CAMTA1: variants seen among roughly 807,000 people sequenced by gnomAD.
CAMTA1 encodes the protein calmodulin binding transcription activator 1, also known as calmodulin-binding transcription activator 1.
CAMTA1 carries 27 observed loss-of-function variants against 170.9 expected under a neutral mutation model. The observed-to-expected ratio is 0.16, with a 90% CI of 0.12 to 0.22. The LOEUF is 0.22. CAMTA1 is among the 10% of genes least tolerant of loss of function. CAMTA1 has a pLI of 1.00. For synonymous variants in CAMTA1, 833 were observed against 891.5 expected, an observed-to-expected ratio of 0.93 and a Z score of 1.17; for missense variants, 1,619 against 2,217.2, an observed-to-expected ratio of 0.73 and a Z score of 5.42.
rs377065082 is a variant in CAMTA1, at chr1:7,710,672, A to T, written c.2915-21776A>T. Among the ~76,000 whole-genome samples, 12 of 151,420 alleles carry T rather than the reference A, an allele frequency of 7.9e-5. No individual in the cohort carries two copies. In the East Asian group the frequency reaches 1.4e-3, roughly 17 times the overall value. On this transcript the variant is annotated intron_variant, in intron 11 of 22. Coordinates refer to ENST00000303635, the MANE Select transcript of CAMTA1 (RefSeq NM_015215.4). The stretch of plus-strand genomic sequence containing the variant: ...CAGAATTAGTGTTATCTTCAGCTAG[A>T]ACTAGCTCTAGATGTACAATGATGT...
intron 6 of CAMTA1, among the ~76,000 whole-genome samples, chr1:7,594,730 G>A (rs1007274528): frequency 7.9e-5 from 12 of 152,240 alleles, no homozygotes; most frequent in African/African-American, 2.9e-4. Context: ...TGGATGTGAA[G>A]TTAAGACGAA....
At chr1:6,842,120 G>C (rs1388493947) in intron 3 of CAMTA1, among the ~76,000 whole-genome samples, 1 of 152,128 alleles carries the variant, frequency 6.6e-6, no homozygotes, top group Non-Finnish European at 1.5e-5. Context: ...CTAAATTGTA[G>C]GCCTGCCTCC....
intron 4 of CAMTA1, among the ~76,000 whole-genome samples, chr1:7,194,024 A>T (rs1043134601): frequency 1.3e-5 from 2 of 152,226 alleles, no homozygotes; most frequent in Non-Finnish European, 2.9e-5. Flanking sequence ...AGATAGACAC[A>T]TGTGAACGGA....
At position 7,409,574 on chromosome 1, in the gene CAMTA1, A is replaced by G. The variant is rs528707686; in HGVS notation, c.439-58256A>G. ...GGGCCATGGCTGGCATTTCGTGACT[A>G]TCACCTGTCCCAGGTTTGACTTCCC... On this transcript the variant is annotated intron_variant, in intron 5 of 22. Coordinates refer to ENST00000303635, the MANE Select transcript of CAMTA1 (RefSeq NM_015215.4). 3.3e-5 allele frequency among the ~76,000 whole-genome samples: 5 copies of G among 152,208 alleles called. No individual in the cohort carries two copies. The East Asian group carries it at 7.8e-4, about 24-fold the overall frequency.
At chr1:7,066,216 C>A (rs1478658990) in intron 3 of CAMTA1, among the ~76,000 whole-genome samples, 1 of 152,232 alleles carries the variant, frequency 6.6e-6, no homozygotes, top group Non-Finnish European at 1.5e-5. Context: ...CTCTTCTTCT[C>A]CCAGGGCAAC....
intron 1 of CAMTA1, among the ~76,000 whole-genome samples, chr1:6,808,366 A>C (rs1413686366): frequency 6.6e-6 from 1 of 152,054 alleles, no homozygotes. Context: ...GATTGTTCCA[A>C]GGTCCCACAG....
At chr1:6,903,809 A>G (rs1477985609) in intron 3 of CAMTA1, among the ~76,000 whole-genome samples, 2 of 152,200 alleles carry the variant, frequency 1.3e-5, no homozygotes, top group Admixed American at 6.5e-5. Flanking sequence ...ATTGAGCTGG[A>G]TGGGTGGGAA....
intron 4 of CAMTA1, among the ~76,000 whole-genome samples, chr1:7,198,605 C>G (rs2148993425): frequency 6.6e-6 from 1 of 152,222 alleles, no homozygotes; most frequent in South Asian, 2.1e-4. Context: ...CTCATACCCC[C>G]TTGGCCACGC....
At chr1:7,596,245 T>C (rs185654127) in intron 6 of CAMTA1, among the ~76,000 whole-genome samples, 148 of 152,336 alleles carry the variant, frequency 9.7e-4, no homozygotes, top group African/African-American at 3.5e-3. Flanking sequence ...GTGACAAAGC[T>C]GGGGCCTGTC....
intron 6 of CAMTA1, among the ~76,000 whole-genome samples, chr1:7,537,222 G>A (rs971597866): frequency 6.6e-6 from 1 of 152,198 alleles, no homozygotes; most frequent in Non-Finnish European, 1.5e-5. Flanking sequence ...TTGAGTGGAT[G>A]GGGCATCAGG....
intron 7 of CAMTA1, among the ~76,000 whole-genome samples, chr1:7,645,989 G>A (rs576426669): frequency 2.0e-5 from 3 of 152,390 alleles, no homozygotes; most frequent in South Asian, 2.1e-4. Context: ...TGTTGAAAGT[G>A]GAGGTGGAGG....
intron 3 of CAMTA1, among the ~76,000 whole-genome samples, chr1:6,882,009 G>C (rs1671776345): frequency 6.6e-6 from 1 of 152,144 alleles, no homozygotes. Context: ...CACTCTGAAT[G>C]TAGTGCAGAG....
intron 3 of CAMTA1, among the ~76,000 whole-genome samples, chr1:6,931,942 T>C (rs1684486700): frequency 2.0e-5 from 3 of 152,238 alleles, no homozygotes; most frequent in African/African-American, 7.2e-5. Context: ...TATTTTTCTT[T>C]CCTGGGCTTA....
intron 5 of CAMTA1, among the ~76,000 whole-genome samples, chr1:7,415,822 T>G (rs1046518470): frequency 2.0e-5 from 3 of 152,234 alleles, no homozygotes; most frequent in African/African-American, 7.2e-5. Flanking sequence ...CTGGTTATTT[T>G]GCTCATTAGT....
In CAMTA1 at chr1:7,680,293, TC is replaced by T. The variant is rs1043729433; in HGVS notation, c.2914+2564del. 2.0e-5 allele frequency: 4 copies of T among 196,182 alleles called. No homozygotes were observed. The highest frequency in any genetic ancestry group is 1.0e-4 in the South Asian group (2 of 19,124). The allele number at this position is 196,182 out of a possible 1,614,324, so 12.2% of individuals were successfully genotyped here. A position where few individuals can be genotyped will look rare whatever the true frequency, so the allele number is the denominator to read the frequency against. On this transcript the variant is annotated intron_variant, in intron 11 of 22. Transcript: ENST00000303635. The surrounding 1 kb of genome is among the most constrained non-coding windows in gnomAD (Gnocchi z 4.4). ...CAGCTTCTCGGCTCAGCCCCTCCCG[TC>T]CCCGCGGGCGCTGGGCCGATTCTCC...
intron 11 of CAMTA1, among the ~76,000 whole-genome samples, chr1:7,723,814 G>A (rs2096664763): frequency 1.3e-5 from 2 of 152,284 alleles, no homozygotes; most frequent in South Asian, 4.1e-4. Flanking sequence ...CTTCAAAACT[G>A]TTAAATTTTT....
intron 6 of CAMTA1, among the ~76,000 whole-genome samples, chr1:7,497,801 G>A (rs566234861): frequency 6.0e-4 from 91 of 152,276 alleles, no homozygotes; most frequent in African/African-American, 2.1e-3. Context: ...GGGGGGCAGC[G>A]CTAGACACCT....
rs2096077853 is a variant in CAMTA1 at position 7,673,386 on chromosome 1, G to A, written c.2779+2349G>A. ...GAGAGCAGTGAGTGAGAGGAGGTGTGTGAAGCACCTGGCCCAGTGCTCCAT... is the reference window on the plus strand; with the variant it reads ...GAGAGCAGTGAGTGAGAGGAGGTGTATGAAGCACCTGGCCCAGTGCTCCAT... On this transcript the variant is annotated intron_variant, in intron 10 of 22. Coordinates refer to ENST00000303635, the MANE Select transcript of CAMTA1 (RefSeq NM_015215.4). This position sits in a 1 kb window ranked among gnomAD's most constrained non-coding sequence, Gnocchi z 4.6. Among the ~76,000 whole-genome samples, 1 of 152,222 alleles carries A rather than the reference G, an allele frequency of 6.6e-6. No homozygotes were observed. The highest frequency in any genetic ancestry group is 1.5e-5 in the Non-Finnish European group (1 of 68,038).
chr1:7,413,003 T>C lies in CAMTA1; in HGVS notation c.439-54827T>C, dbSNP rs375221896. On this transcript the variant is annotated intron_variant, in intron 5 of 22. Coordinates refer to ENST00000303635, the MANE Select transcript of CAMTA1 (RefSeq NM_015215.4). ...AGCCAGTTTTCCCAGCACCATTTAT[T>C]AAATAGGGAATCCTTTCCCCATTGC... is the stretch of plus-strand genomic sequence containing the variant. 1.8e-3 allele frequency among the ~76,000 whole-genome samples: 280 copies of C among 151,742 alleles called. 4 individuals are homozygous for C. In the East Asian group the frequency reaches 0.048, roughly 26 times the overall value.
Sources: gnomAD v4.1 joint callset for allele counts (sites outside exome capture counted in the v4.1 genomes callset) on GRCh38, gnomAD v4.1.1 for gene constraint, Gnocchi (gnomAD v3.1) non-coding constraint, MANE v1.5 for transcripts, NCBI Gene and HGNC (gene_info 2026-07-23, HGNC 2026-07-21) for gene names.